Variants in PDS5A observed in about 807,000 individuals in gnomAD.
PDS5A encodes the protein sister chromatid cohesion protein PDS5 homolog A.
PDS5A carries 42 observed loss-of-function variants against 167.1 expected under a neutral mutation model. The ratio of observed to expected loss-of-function variants is 0.25; its 90% CI spans 0.20 to 0.33. PDS5A has a LOEUF of 0.33. Ranked by LOEUF, PDS5A falls within the 10% of genes least tolerant of loss-of-function variation. The probability of loss-of-function intolerance (pLI) is 1.00; values close to 1 mark genes in which losing one functional copy is unlikely to be tolerated. For missense variants in PDS5A, 1,033 were observed against 1,605.9 expected, an observed-to-expected ratio of 0.64 and a Z score of 6.10; for synonymous variants, 553 against 554.6, an observed-to-expected ratio of 1.00 and a Z score of 0.04.
chr4:39,823,560 AGTT>A lies in PDS5A; in HGVS notation c.*1922_*1924del, dbSNP rs1322365448. 6.6e-6 allele frequency: 1 copy of A among 152,646 alleles called. No individual in the cohort carries two copies. The highest frequency in any genetic ancestry group is 1.5e-5 in the Non-Finnish European group (1 of 68,046). 9.5% of individuals were successfully genotyped at this position (152,646 alleles called of 1,614,324 possible). The stretch of plus-strand genomic sequence containing the variant: ...GACACACTGGAAACCTTAGGAATCA[AGTT>A]GTCTGATGCTAAGAGAACTTTAAAC... On this transcript the variant is annotated 3_prime_UTR_variant, in exon 33 of 33. Transcript: ENST00000303538.
At chr4:39,965,509 T>C (rs1729890914) in intron 2 of PDS5A, among the ~76,000 whole-genome samples, 1 of 152,214 alleles carries the variant, frequency 6.6e-6, no homozygotes, top group Non-Finnish European at 1.5e-5. Context: ...AATTCAAGTG[T>C]TCACTGACAG....
intron 9 of PDS5A, among the ~76,000 whole-genome samples, chr4:39,910,696 A>G (rs1723806831): frequency 2.0e-5 from 3 of 152,210 alleles, no homozygotes; most frequent in Admixed American, 1.3e-4. Flanking sequence ...CAGTTTGAAG[A>G]ATAAGTTTAT....
In PDS5A at chr4:39,890,861, C is replaced by A. The variant is rs184436907; in HGVS notation, c.1771-497G>T. Among the ~76,000 whole-genome samples the A allele has an allele frequency of 8.6e-5, 13 of 151,876 alleles. No individual in the cohort carries two copies. In the South Asian group the frequency reaches 1.7e-3, roughly 19 times the overall value. Reference sequence around the variant, plus strand: ...TGAACTCCTGACCTCAAGTGATCCACCTGCCTCGACCTCCCAAAGTGCTGG... The same window carrying A: ...TGAACTCCTGACCTCAAGTGATCCAACTGCCTCGACCTCCCAAAGTGCTGG... On this transcript the variant is annotated intron_variant, in intron 16 of 32. Transcript: ENST00000303538.
At chr4:39,910,158 C>A in intron 10 of PDS5A, 86 bp downstream of exon 10, 1 of 660,796 alleles carries the variant, frequency 1.5e-6, no homozygotes, top group Non-Finnish European at 2.7e-6. Flanking sequence ...TTAAAACCTA[C>A]TTGGAAAGTG....
At chr4:39,935,356 C>T (rs1726495362) in intron 2 of PDS5A, among the ~76,000 whole-genome samples, 2 of 152,208 alleles carry the variant, frequency 1.3e-5, no homozygotes, top group South Asian at 4.1e-4. Flanking sequence ...CCTTGGCCTC[C>T]CAAAGCGCTG....
intron 13 of PDS5A, 115 bp from the exon 14 acceptor site, chr4:39,900,622 A>G (rs1722796320): frequency 6.1e-6 from 4 of 660,778 alleles, no homozygotes; most frequent in Non-Finnish European, 8.2e-6. Context: ...ATCTACCTAA[A>G]AGTTTAAATA....
chr4:39,881,842 A>G (rs1169764777), intron 17 of PDS5A, among the ~76,000 whole-genome samples: 1 of 152,216 alleles, frequency 6.6e-6, no homozygotes, highest in Non-Finnish European at 1.5e-5. Context: ...AACTGTAATA[A>G]GCCCCACATG....
chr4:39,959,390 C>T (rs6843656), intron 2 of PDS5A, among the ~76,000 whole-genome samples: 11,745 of 152,104 alleles, frequency 0.077, 514 homozygotes, highest in Middle Eastern at 0.18. Context: ...ATCTCACTGT[C>T]GTCTAGGCTG....
intron 2 of PDS5A, among the ~76,000 whole-genome samples, chr4:39,929,753 TA>T (rs967024375): frequency 4.0e-5 from 6 of 150,312 alleles, no homozygotes; most frequent in Non-Finnish European, 5.9e-5. Context: ...TTATTATTAT[TA>T]TTTTTTTTTG....
intron 16 of PDS5A, chr4:39,898,185 T>G: frequency 1.6e-6 from 2 of 1,259,000 alleles, no homozygotes; most frequent in Non-Finnish European, 2.0e-6. Context: ...CTCCCTGGCT[T>G]AGTTCTTTAG....
chr4:39,863,450 A>G lies in PDS5A; in HGVS notation c.2652T>C (p.Asp884=). Residue 884 remains aspartate (D), a synonymous_variant, in exon 24 of 33, where the codon GAT becomes GAC. Transcript: ENST00000303538. ...CAGCAGCTAATCGCAAGCGAGACAT[A>G]TCAGATTTACTATAAACAAACAAAA... is the stretch of plus-strand genomic sequence containing the variant. ...LTEQKRISKS[D]MSRLRLAAGS... 1 of 1,599,606 alleles carries G rather than the reference A, an allele frequency of 6.3e-7. No homozygotes were observed. Among genetic ancestry groups the G allele is most frequent in the Non-Finnish European group, 8.5e-7 (1 of 1,173,748 alleles).
Position 39,876,978 on chromosome 4 carries a change from A to G in PDS5A, c.2153+15T>C, listed in dbSNP as rs181065196. The G allele has an allele frequency of 2.0e-5, 32 of 1,590,366 alleles. No individual in the cohort carries two copies. In the African/African-American group the frequency reaches 2.6e-4, roughly 13 times the overall value. ...GAAACTTTTGTATTTACCACGGGAG[A>G]AAAAATGTACTCACGATCGTATCTG... On this transcript the variant is annotated intron_variant, in intron 19 of 32. Coordinates refer to ENST00000303538, the MANE Select transcript of PDS5A (RefSeq NM_001100399.2).
intron 9 of PDS5A, among the ~76,000 whole-genome samples, chr4:39,912,287 T>C (rs940924292): frequency 2.6e-5 from 4 of 152,184 alleles, no homozygotes; most frequent in African/African-American, 7.2e-5. Flanking sequence ...GAAACTTATA[T>C]TGGGTGATTT....
chr4:39,842,939 T>TATATATATA (rs1560419736), intron 30 of PDS5A, among the ~76,000 whole-genome samples: 3 of 31,856 alleles, frequency 9.4e-5, no homozygotes, highest in East Asian at 1.3e-3. Flanking sequence ...ATATATATAT[T>TATATATATA]TTAAGAGACA....
chr4:39,851,615 G>A (rs1718131450), intron 26 of PDS5A, among the ~76,000 whole-genome samples: 1 of 152,140 alleles, frequency 6.6e-6, no homozygotes. Flanking sequence ...GAGGCATTAA[G>A]TAACCTGTTT....
chr4:39,905,963 T>C (rs767779842), intron 11 of PDS5A, among the ~76,000 whole-genome samples: 1 of 149,142 alleles, frequency 6.7e-6, no homozygotes, highest in Non-Finnish European at 1.5e-5. Flanking sequence ...CAAAGACAAA[T>C]TAGATAACAA....
chr4:39,899,485 G>A (rs1261204323), intron 14 of PDS5A, among the ~76,000 whole-genome samples: 2 of 152,148 alleles, frequency 1.3e-5, no homozygotes, highest in Non-Finnish European at 2.9e-5. Flanking sequence ...TGCAAAGGCA[G>A]GGTTGAATAT....
chr4:39,933,972 G>A (rs926001249), intron 2 of PDS5A, among the ~76,000 whole-genome samples: 2 of 152,326 alleles, frequency 1.3e-5, no homozygotes, highest in Admixed American at 6.5e-5. Flanking sequence ...GAGCTGTTGT[G>A]TGTATGTGTG....
At chr4:39,971,007 A>G (rs1414744936) in intron 2 of PDS5A, among the ~76,000 whole-genome samples, 1 of 151,528 alleles carries the variant, frequency 6.6e-6, no homozygotes, top group Admixed American at 6.6e-5. Flanking sequence ...CCTGGGCTCA[A>G]GTGTTCCTCC....
Sources: gnomAD v4.1 joint callset for allele counts (sites outside exome capture counted in the v4.1 genomes callset) on GRCh38, gnomAD v4.1.1 for gene constraint, MANE v1.5 for transcripts, NCBI Gene and HGNC (gene_info 2026-07-23, HGNC 2026-07-21) for gene names.